SH3GL2: variants seen among roughly 807,000 people sequenced by gnomAD.
SH3GL2 encodes the protein SH3 domain containing GRB2 like 2, endophilin A1.
SH3GL2 carries 24 observed loss-of-function variants against 46.0 expected under a neutral mutation model. The ratio of observed to expected loss-of-function variants is 0.52; its 90% CI spans 0.38 to 0.73. The LOEUF is 0.73. Among genes scored for constraint, SH3GL2 ranks in the 30% least tolerant of loss-of-function variants. The probability of loss-of-function intolerance (pLI) is 0.00; values close to 1 mark genes in which losing one functional copy is unlikely to be tolerated. For synonymous variants in SH3GL2, 196 were observed against 147.1 expected (o/e 1.33, Z -2.40); for missense variants, 413 against 424.2 (o/e 0.97, Z 0.23).
chr9:17,589,136 T>A (rs1186142415), intron 1 of SH3GL2: 1 of 152,220 alleles, frequency 6.6e-6, no homozygotes, highest in Non-Finnish European at 1.5e-5. Context: ...ATTTTAAGTC[T>A]AGTTTGCTGA....
At chr9:17,673,076 T>A (rs905266272) in intron 1 of SH3GL2, among the ~76,000 whole-genome samples, 1 of 152,138 alleles carries the variant, frequency 6.6e-6, no homozygotes, top group Non-Finnish European at 1.5e-5. Flanking sequence ...GTCTGTCAAT[T>A]CTGCTTCAAT....
rs191364482 is a variant in SH3GL2, at chr9:17,671,300, G to A, written c.46-75766G>A. 1.8e-4 allele frequency among the ~76,000 whole-genome samples: 24 copies of A among 136,936 alleles called. No individual in the cohort carries two copies. In the East Asian group the frequency reaches 5.9e-3, roughly 34 times the overall value. The allele number at this position is 136,936 out of a possible 152,430, so 89.8% of individuals were successfully genotyped here. On this transcript the variant is annotated intron_variant, in intron 1 of 8. Coordinates refer to ENST00000380607, the MANE Select transcript of SH3GL2 (RefSeq NM_003026.5). ...AATGGTTTCTGTTTTACACAATGAG[G>A]AATTTTTTTTTTAAGAAGAGTTAAA...
intron 1 of SH3GL2, among the ~76,000 whole-genome samples, chr9:17,676,393 G>GT (rs1820609882): frequency 6.6e-6 from 1 of 152,122 alleles, no homozygotes; most frequent in Non-Finnish European, 1.5e-5. Context: ...ATCATATGAG[G>GT]TTAGGAGTTC....
intron 1 of SH3GL2, among the ~76,000 whole-genome samples, chr9:17,667,522 T>C (rs892102357): frequency 2.6e-5 from 4 of 152,230 alleles, no homozygotes; most frequent in Non-Finnish European, 4.4e-5. Context: ...TTTGTTTTTA[T>C]GGCAGAATAA....
At chr9:17,596,117 G>T (rs1349871621) in intron 1 of SH3GL2, among the ~76,000 whole-genome samples, 1 of 152,086 alleles carries the variant, frequency 6.6e-6, no homozygotes, top group East Asian at 1.9e-4. Flanking sequence ...CCAGTTTCTA[G>T]CCAAGTTCTA....
chr9:17,717,355 C>A (rs937548321), intron 1 of SH3GL2, among the ~76,000 whole-genome samples: 1 of 152,088 alleles, frequency 6.6e-6, no homozygotes, highest in Non-Finnish European at 1.5e-5. Flanking sequence ...CTTTTACTAA[C>A]CTCCATCCAA....
At chr9:17,756,007 T>C (rs1412709713) in intron 2 of SH3GL2, among the ~76,000 whole-genome samples, 1 of 152,038 alleles carries the variant, frequency 6.6e-6, no homozygotes. Context: ...GGAATCAAGA[T>C]TTTTTTGTAA....
At chr9:17,593,157 T>A (rs1420180503) in intron 1 of SH3GL2, among the ~76,000 whole-genome samples, 1 of 152,194 alleles carries the variant, frequency 6.6e-6, no homozygotes, top group Non-Finnish European at 1.5e-5. Flanking sequence ...ACCTTTCTAA[T>A]AAATGGCTAA....
intron 1 of SH3GL2, among the ~76,000 whole-genome samples, chr9:17,623,426 A>C (rs1339317980): frequency 6.6e-6 from 1 of 152,132 alleles, no homozygotes; most frequent in Non-Finnish European, 1.5e-5. Context: ...GACTGAGAAC[A>C]AAATGACCTA....
intron 1 of SH3GL2, among the ~76,000 whole-genome samples, chr9:17,662,772 C>T (rs768193746): frequency 2.8e-5 from 4 of 144,588 alleles, no homozygotes; most frequent in East Asian, 2.1e-4. Context: ...TGCAGTGGCA[C>T]GACCTCAGCT....
chr9:17,779,422 A>G (rs542673648), intron 3 of SH3GL2, among the ~76,000 whole-genome samples: 13 of 152,174 alleles, frequency 8.5e-5, no homozygotes, highest in Admixed American at 2.0e-4. Flanking sequence ...CCTGAATCCA[A>G]TCTTTTCCTG....
intron 1 of SH3GL2, among the ~76,000 whole-genome samples, chr9:17,598,397 A>G (rs1818612527): frequency 1.3e-5 from 2 of 152,212 alleles, no homozygotes. Context: ...ATTTTACATC[A>G]TTATCTTTCT....
At chr9:17,643,104 A>G (rs1819725615) in intron 1 of SH3GL2, among the ~76,000 whole-genome samples, 2 of 152,156 alleles carry the variant, frequency 1.3e-5, no homozygotes, top group Admixed American at 6.5e-5. Flanking sequence ...GGTCCTTCAC[A>G]TCCCTTGTAA....
chr9:17,595,278 C>T (rs540746801), intron 1 of SH3GL2, among the ~76,000 whole-genome samples: 7 of 152,202 alleles, frequency 4.6e-5, no homozygotes, highest in South Asian at 4.2e-4. Flanking sequence ...ACCAAGAAGA[C>T]GCGAACACTT....
chr9:17,678,734 G>C (rs933815621), intron 1 of SH3GL2, among the ~76,000 whole-genome samples: 2 of 152,024 alleles, frequency 1.3e-5, no homozygotes, highest in African/African-American at 2.4e-5. Flanking sequence ...GGTAAAGCCT[G>C]GGTTTTCTTC....
At chr9:17,589,327 G>T (rs1306844208) in intron 1 of SH3GL2, 1 of 152,056 alleles carries the variant, frequency 6.6e-6, no homozygotes, top group African/African-American at 2.4e-5. Context: ...GCTATGCCTG[G>T]CCCATGTGCC....
chr9:17,732,317 G>C (rs974607331), intron 1 of SH3GL2, among the ~76,000 whole-genome samples: 1 of 152,104 alleles, frequency 6.6e-6, no homozygotes, highest in African/African-American at 2.4e-5. Context: ...AAAGACAAAT[G>C]CATGGTGGTT....
At chr9:17,597,426 A>T (rs1156970981) in intron 1 of SH3GL2, among the ~76,000 whole-genome samples, 2 of 152,040 alleles carry the variant, frequency 1.3e-5, no homozygotes, top group Non-Finnish European at 2.9e-5. Context: ...CCGAGGCAGG[A>T]GAATCGCTTT....
chr9:17,595,082 T>G (rs1392158840), intron 1 of SH3GL2, among the ~76,000 whole-genome samples: 1 of 152,176 alleles, frequency 6.6e-6, no homozygotes, highest in East Asian at 1.9e-4. Flanking sequence ...CTATGAACAT[T>G]ATTATCCCCA....
Sources: allele counts gnomAD v4.1 joint callset (sites outside exome capture counted in the v4.1 genomes callset), GRCh38; gene constraint gnomAD v4.1.1; transcripts MANE v1.5; gene names NCBI Gene and HGNC (gene_info 2026-07-23, HGNC 2026-07-21).